Variants in CYS1 observed in about 807,000 individuals in gnomAD.
CYS1 encodes the protein cystin-1.
In CYS1, 5 loss-of-function variants were observed where a neutral mutation model predicts 9.6. The ratio of observed to expected loss-of-function variants is 0.52; its 90% confidence interval spans 0.27 to 1.10. The LOEUF (loss-of-function observed/expected upper bound fraction) is 1.10. Among genes scored for constraint, CYS1 ranks in the 50% least tolerant of loss-of-function variants. The pLI is 0.11. For synonymous variants in CYS1, 88 were observed against 95.7 expected (o/e 0.92, Z 0.47); for missense variants, 221 against 207.9 (o/e 1.06, Z -0.39).
intron 1 of CYS1, among the ~76,000 whole-genome samples, chr2:10,069,684 A>G (rs551439603): frequency 2.0e-5 from 3 of 152,278 alleles, no homozygotes; most frequent in South Asian, 4.1e-4. Context: ...ATATTTAAAA[A>G]AAATTTTTTT....
rs1291368739 is a variant in CYS1, at chr2:10,058,356, G to A, written c.*497C>T. The A allele has an allele frequency of 1.3e-5, 2 of 153,010 alleles. No homozygotes were observed. The highest frequency in any genetic ancestry group is 2.9e-5 in the Non-Finnish European group (2 of 68,610). 9.5% of individuals were successfully genotyped at this position (153,010 alleles called of 1,614,324 possible). Reference sequence around the variant, plus strand: ...ACAGCACCCCCAGGCTGCTCATTAGGGAGTTAAAGTTGAGAAGCACTAAGC... The same window carrying A: ...ACAGCACCCCCAGGCTGCTCATTAGAGAGTTAAAGTTGAGAAGCACTAAGC... On this transcript the variant is annotated 3_prime_UTR_variant, in exon 3 of 3. Coordinates refer to ENST00000381813, the MANE Select transcript of CYS1 (RefSeq NM_001037160.3).
intron 1 of CYS1, among the ~76,000 whole-genome samples, chr2:10,077,739 C>T (rs1449489657): frequency 6.6e-6 from 1 of 152,082 alleles, no homozygotes. Flanking sequence ...ATGAATTGGA[C>T]CCAAGGGCTC....
chr2:10,078,364 A>G (rs1370638752), intron 1 of CYS1, among the ~76,000 whole-genome samples: 4 of 152,182 alleles, frequency 2.6e-5, no homozygotes, highest in African/African-American at 4.8e-5. Context: ...TTCCTAAAAC[A>G]CAAACTGTCA....
intron 1 of CYS1, among the ~76,000 whole-genome samples, chr2:10,071,311 G>C (rs1251325793): frequency 6.6e-6 from 1 of 152,184 alleles, no homozygotes; most frequent in Non-Finnish European, 1.5e-5. Context: ...GCCAAGCCCA[G>C]GGCCTGTCAG....
rs1379485035 is a variant in CYS1 at position 10,080,065 on chromosome 2, C to A, written c.159G>T (p.Ala53=). 2 of 1,033,820 alleles carry A rather than the reference C, an allele frequency of 1.9e-6. No individual in the cohort carries two copies. The highest frequency in any genetic ancestry group is 4.7e-4 in the Middle Eastern group (1 of 2,148). The allele number at this position is 1,033,820 out of a possible 1,614,324, so 64.0% of individuals were successfully genotyped here. A position where few individuals can be genotyped will look rare whatever the true frequency, so the allele number is the denominator to read the frequency against. ...CCACGGGGCTGGGGTCGCGGCCGGG[C>A]GCCTCCTCCGCGGCTGCCCCCGGGA... ...AEVPGAAAEE[A]PGRDPSPVAP... The change falls in exon 1 of 3, where the codon GCG becomes GCT. Residue 53 remains alanine, a synonymous_variant. Transcript: ENST00000381813. This position sits in a 1 kb window ranked among gnomAD's most constrained non-coding sequence, Gnocchi z 6.4.
At chr2:10,070,561 G>A (rs2125290260) in intron 1 of CYS1, among the ~76,000 whole-genome samples, 1 of 152,252 alleles carries the variant, frequency 6.6e-6, no homozygotes, top group African/African-American at 2.4e-5. Flanking sequence ...GGCCAGGCTG[G>A]TCTTGAACTC....
chr2:10,079,621 G>A (rs1256127644), intron 1 of CYS1, among the ~76,000 whole-genome samples: 1 of 151,890 alleles, frequency 6.6e-6, no homozygotes, highest in Non-Finnish European at 1.5e-5. Flanking sequence ...AGGCGGGGCC[G>A]CGGGCCCGAG....
intron 1 of CYS1, among the ~76,000 whole-genome samples, chr2:10,078,954 A>G (rs1232916600): frequency 1.3e-5 from 2 of 152,210 alleles, no homozygotes; most frequent in African/African-American, 4.8e-5. Flanking sequence ...CCTCCTTGCT[A>G]TGTGTGAATT....
intron 1 of CYS1, among the ~76,000 whole-genome samples, chr2:10,075,707 C>G (rs955939233): frequency 3.3e-5 from 5 of 152,194 alleles, no homozygotes; most frequent in African/African-American, 9.7e-5. Context: ...TCCATGGCTA[C>G]AGCAAATGGA....
intron 1 of CYS1, among the ~76,000 whole-genome samples, 155 bp downstream of exon 1, chr2:10,079,751 G>A (rs1661912498): frequency 6.6e-6 from 1 of 151,910 alleles, no homozygotes; most frequent in Non-Finnish European, 1.5e-5. Flanking sequence ...GAAACCTGGG[G>A]GCCCAGGGGC....
chr2:10,077,255 C>T (rs1661856756), intron 1 of CYS1, among the ~76,000 whole-genome samples: 1 of 152,154 alleles, frequency 6.6e-6, no homozygotes, highest in Non-Finnish European at 1.5e-5. Context: ...CCTGCCACCT[C>T]ACTCCCCCTT....
At chr2:10,064,984 C>T (rs1475344591) in intron 2 of CYS1, among the ~76,000 whole-genome samples, 3 of 151,956 alleles carry the variant, frequency 2.0e-5, no homozygotes, top group African/African-American at 7.3e-5. Flanking sequence ...TCAAGTGATC[C>T]GCCTGCCTAG....
intron 2 of CYS1, among the ~76,000 whole-genome samples, chr2:10,064,643 G>T (rs1407484669): frequency 6.6e-6 from 1 of 152,020 alleles, no homozygotes; most frequent in Non-Finnish European, 1.5e-5. Context: ...AGTGTCCCAG[G>T]AGCCTCTTTC....
rs1389320497 is a variant in CYS1 at position 10,059,732 on chromosome 2, T to C, written c.372-774A>G. On this transcript the variant is annotated intron_variant, in intron 2 of 2. Coordinates refer to ENST00000381813, the MANE Select transcript of CYS1 (RefSeq NM_001037160.3). ...AAAAAATAAAAGGGAATTACTGTCA[T>C]GTTGGCTGCTTGCCGACATCGGTCC... Among the ~76,000 whole-genome samples the C allele has an allele frequency of 3.3e-5, 5 of 152,228 alleles. No individual in the cohort carries two copies. The East Asian group carries it at 7.7e-4, about 23-fold the overall frequency.
At chr2:10,060,499 G>C (rs141013015) in intron 2 of CYS1, among the ~76,000 whole-genome samples, 59 of 152,286 alleles carry the variant, frequency 3.9e-4, no homozygotes, top group African/African-American at 1.4e-3. Context: ...GGCGTCCAGG[G>C]GACACACTCC....
chr2:10,068,738 G>A lies in CYS1; in HGVS notation c.319-2782C>T, dbSNP rs145546297. Reference sequence around the variant, plus strand: ...TCATAAATATAAATGGTCATAAAACGACTCACAAACATTTAAAGGGGGAGG... The same window carrying A: ...TCATAAATATAAATGGTCATAAAACAACTCACAAACATTTAAAGGGGGAGG... On this transcript the variant is annotated intron_variant, in intron 1 of 2. Coordinates refer to ENST00000381813, the MANE Select transcript of CYS1 (RefSeq NM_001037160.3). Among the ~76,000 whole-genome samples the A allele has an allele frequency of 7.9e-4, 120 of 152,262 alleles. 1 individual carries two copies. Among genetic ancestry groups the A allele is most frequent in the African/African-American group, 2.1e-3 (87 of 41,534 alleles).
chr2:10,064,141 T>C (rs1661664140), intron 2 of CYS1, among the ~76,000 whole-genome samples: 1 of 152,096 alleles, frequency 6.6e-6, no homozygotes, highest in African/African-American at 2.4e-5. Flanking sequence ...GAGAATTGCT[T>C]GAACCCGGGT....
At position 10,057,488 on chromosome 2, in the gene CYS1, T is replaced by G. The variant is rs10208406; in HGVS notation, c.*1365A>C. The G allele has an allele frequency of 6.6e-6, 1 of 152,412 alleles. No homozygotes were observed. Among genetic ancestry groups the G allele is most frequent in the South Asian group, 2.1e-4 (1 of 4,834 alleles). The allele number at this position is 152,412 out of a possible 1,614,324, so 9.4% of individuals were successfully genotyped here. ...GGTTCCTGAGATGCTCCTGCTCTGC[T>G]GTGTTCTAAGGACCTGCGAGCTGGA... On this transcript the variant is annotated 3_prime_UTR_variant, in exon 3 of 3. Transcript: ENST00000381813.
intron 1 of CYS1, among the ~76,000 whole-genome samples, chr2:10,079,586 C>T (rs1039541881): frequency 6.6e-6 from 1 of 151,988 alleles, no homozygotes. Context: ...GCCGGCGCCC[C>T]GCTCCAGGGC....
Sources: gnomAD v4.1 joint callset for allele counts (sites outside exome capture counted in the v4.1 genomes callset) on GRCh38, gnomAD v4.1.1 for gene constraint, Gnocchi (gnomAD v3.1) non-coding constraint, MANE v1.5 for transcripts, NCBI Gene and HGNC (gene_info 2026-07-23, HGNC 2026-07-21) for gene names.